The following EPHA6 variants were observed in gnomAD, a reference collection of about 807,000 sequenced individuals.
EPHA6 encodes ephrin type-A receptor 6.
A neutral mutation model predicts 112.0 loss-of-function variants in EPHA6; 50 were observed. The ratio of observed to expected loss-of-function variants is 0.45; its 90% CI spans 0.36 to 0.56. The LOEUF (loss-of-function observed/expected upper bound fraction) is 0.56, where lower values mean the gene tolerates loss of function less well. EPHA6 is among the 20% of genes least tolerant of loss of function. The pLI is 0.00. For missense variants in EPHA6, 1,280 were observed against 1,417.4 expected (o/e 0.90, Z 1.56); for synonymous variants, 529 against 490.7 (o/e 1.08, Z -1.03).
chr3:97,004,932 G>A (rs1320781835), intron 3 of EPHA6, among the ~76,000 whole-genome samples: 1 of 152,098 alleles, frequency 6.6e-6, no homozygotes, highest in African/African-American at 2.4e-5. Flanking sequence ...TAGATGTGTG[G>A]TGTTATTTCT....
At chr3:96,880,859 C>T (rs1330325073) in intron 2 of EPHA6, among the ~76,000 whole-genome samples, 1 of 152,004 alleles carries the variant, frequency 6.6e-6, no homozygotes, top group African/African-American at 2.4e-5. Context: ...TGTGTCAGTA[C>T]TTCCTTTTTA....
intron 3 of EPHA6, among the ~76,000 whole-genome samples, chr3:97,212,409 A>G (rs1176844297): frequency 1.3e-5 from 2 of 152,198 alleles, no homozygotes; most frequent in Non-Finnish European, 2.9e-5. Context: ...AGTAGCTTCT[A>G]TGTTGTATGA....
At chr3:96,915,054 T>C (rs2039418465) in intron 2 of EPHA6, among the ~76,000 whole-genome samples, 1 of 150,608 alleles carries the variant, frequency 6.6e-6, no homozygotes, top group South Asian at 2.1e-4. Flanking sequence ...AGTACCATGA[T>C]TGAATCTACT....
Position 97,711,119 on chromosome 3 carries a change from G to A in EPHA6, c.2785-9142G>A, listed in dbSNP as rs183396539. 6.3e-3 allele frequency among the ~76,000 whole-genome samples: 966 copies of A among 152,180 alleles called. 14 individuals are homozygous for A. Among genetic ancestry groups the A allele is most frequent in the African/African-American group, 0.021 (891 of 41,514 alleles). ...TGAATCGTGGGAGTAAGTCTTTCCC[G>A]TGCTGTTCTTGTGATGGTGAATTGG... is the stretch of plus-strand genomic sequence containing the variant. On this transcript the variant is annotated intron_variant, in intron 14 of 17. Transcript: ENST00000389672.
At chr3:96,873,452 A>G (rs1004718304) in intron 2 of EPHA6, among the ~76,000 whole-genome samples, 1 of 152,116 alleles carries the variant, frequency 6.6e-6, no homozygotes, top group African/African-American at 2.4e-5. Context: ...TACGTTTTCA[A>G]CTGTCACAAA....
chr3:97,056,677 T>C (rs928958), intron 3 of EPHA6, among the ~76,000 whole-genome samples: 43,717 of 152,038 alleles, frequency 0.29, 6,513 homozygotes, highest in African/African-American at 0.34. Flanking sequence ...GTAGTGCATA[T>C]GAATATAAAA....
At chr3:97,096,324 T>C (rs962204619) in intron 3 of EPHA6, among the ~76,000 whole-genome samples, 1 of 151,702 alleles carries the variant, frequency 6.6e-6, no homozygotes, top group Non-Finnish European at 1.5e-5. Context: ...TATATCTATA[T>C]AGTTGAGTGC....
rs561727916 is a variant in EPHA6, at chr3:96,826,968, A to G, written c.385+11960A>G. 2.6e-5 allele frequency among the ~76,000 whole-genome samples: 4 copies of G among 152,226 alleles called. No homozygotes were observed. In the South Asian group the frequency reaches 6.2e-4, roughly 24 times the overall value. ...TTATGACTAATGGAACTTATTCCTA[A>G]GTGGGGTTCCTTATCTTCCAATTTA... On this transcript the variant is annotated intron_variant, in intron 1 of 17. Coordinates refer to ENST00000389672, the MANE Select transcript of EPHA6 (RefSeq NM_001080448.3).
chr3:97,588,367 C>G (rs369689080), intron 11 of EPHA6, among the ~76,000 whole-genome samples: 1 of 152,136 alleles, frequency 6.6e-6, no homozygotes, highest in Non-Finnish European at 1.5e-5. Flanking sequence ...AATTTTCTGT[C>G]TTTTATTAAG....
intron 1 of EPHA6, among the ~76,000 whole-genome samples, chr3:96,864,943 C>T (rs2036221249): frequency 6.6e-6 from 1 of 151,754 alleles, no homozygotes; most frequent in South Asian, 2.1e-4. Flanking sequence ...AATTTTTATA[C>T]AGGTGAAATG....
At chr3:97,601,348 T>C (rs1006789222) in intron 12 of EPHA6, among the ~76,000 whole-genome samples, 1 of 152,138 alleles carries the variant, frequency 6.6e-6, no homozygotes, top group African/African-American at 2.4e-5. Context: ...TTCACCTTAA[T>C]TGGGAACATA....
chr3:97,593,510 A>T lies in EPHA6; in HGVS notation c.2512+773A>T, dbSNP rs1480318784. Among the ~76,000 whole-genome samples the T allele has an allele frequency of 2.6e-5, 4 of 152,292 alleles. No homozygotes were observed. The East Asian group carries it at 7.7e-4, about 29-fold the overall frequency. ...TATTGATTCTTGGAGTTTTGAAATC[A>T]TAATTCTTGTGATTTTTATTATAAC... is the stretch of plus-strand genomic sequence containing the variant. On this transcript the variant is annotated intron_variant, in intron 12 of 17. Coordinates refer to ENST00000389672, the MANE Select transcript of EPHA6 (RefSeq NM_001080448.3).
rs367832824 is a variant in EPHA6 at position 97,294,655 on chromosome 3, C to T, written c.1606+50368C>T. 7.4e-4 allele frequency among the ~76,000 whole-genome samples: 113 copies of T among 152,242 alleles called. 1 individual carries two copies. Among genetic ancestry groups the T allele is most frequent in the African/African-American group, 2.7e-3 (111 of 41,550 alleles). On this transcript the variant is annotated intron_variant, in intron 5 of 17. Transcript: ENST00000389672. ...GTTTGGTGATTTTCTGTAACAGTAACATTTGAGTCCCTCCTTATCTTCATT... is the reference window on the plus strand; with the variant it reads ...GTTTGGTGATTTTCTGTAACAGTAATATTTGAGTCCCTCCTTATCTTCATT...
intron 7 of EPHA6, chr3:97,466,274 T>A: frequency 8.0e-7 from 1 of 1,244,748 alleles, no homozygotes; most frequent in Non-Finnish European, 1.2e-6. Flanking sequence ...TAAGGTTAGA[T>A]AGAAAACATT....
At chr3:97,589,031 T>G (rs1283484820) in intron 11 of EPHA6, among the ~76,000 whole-genome samples, 2 of 152,210 alleles carry the variant, frequency 1.3e-5, no homozygotes, top group African/African-American at 4.8e-5. Flanking sequence ...TCCCAGAGTT[T>G]AAGTCAAGCT....
intron 3 of EPHA6, among the ~76,000 whole-genome samples, chr3:97,032,259 G>A (rs1236256546): frequency 6.6e-6 from 1 of 151,940 alleles, no homozygotes; most frequent in East Asian, 1.9e-4. Context: ...AGAACAACTT[G>A]GACACAGGAA....
chr3:97,004,689 G>A (rs1394019183), intron 3 of EPHA6, among the ~76,000 whole-genome samples: 4 of 151,962 alleles, frequency 2.6e-5, no homozygotes, highest in African/African-American at 9.7e-5. Flanking sequence ...AGTTGCTTTT[G>A]GCATTTTTGT....
chr3:97,090,185 GT>G (rs1559721254), intron 3 of EPHA6, among the ~76,000 whole-genome samples: 1 of 151,852 alleles, frequency 6.6e-6, no homozygotes, highest in Admixed American at 6.6e-5. Flanking sequence ...TAAGCTATTC[GT>G]TTCCTCATGT....
chr3:97,356,836 C>T (rs1328933580), intron 5 of EPHA6, among the ~76,000 whole-genome samples: 1 of 152,130 alleles, frequency 6.6e-6, no homozygotes, highest in Non-Finnish European at 1.5e-5. Context: ...TATGTCCTTA[C>T]TTGCCTTTGG....
Sources: allele counts gnomAD v4.1 joint callset (sites outside exome capture counted in the v4.1 genomes callset), GRCh38; gene constraint gnomAD v4.1.1; transcripts MANE v1.5; gene names NCBI Gene and HGNC (gene_info 2026-07-23, HGNC 2026-07-21).